NDFIP1: variants seen among roughly 807,000 people sequenced by gnomAD.
NDFIP1 encodes Nedd4 family interacting protein 1.
NDFIP1 carries 7 observed loss-of-function variants against 28.8 expected under a neutral mutation model. The observed-to-expected ratio is 0.24, with a 90% CI of 0.14 to 0.46. The LOEUF is 0.46. NDFIP1 is among the 20% of genes least tolerant of loss of function. The probability of loss-of-function intolerance (pLI) is 0.99; values close to 1 mark genes in which losing one functional copy is unlikely to be tolerated. For missense variants in NDFIP1, 194 were observed against 269.1 expected (o/e 0.72, Z 1.95); for synonymous variants, 92 against 101.0 (o/e 0.91, Z 0.53).
chr5:142,123,855 T>A (rs1434387249), intron 1 of NDFIP1, among the ~76,000 whole-genome samples: 1 of 152,216 alleles, frequency 6.6e-6, no homozygotes, highest in Middle Eastern at 3.2e-3. Flanking sequence ...CCTGGAGCTC[T>A]GAGCTAAGCC....
chr5:142,137,671 AGGCACTCTT>A (rs1757290105), intron 4 of NDFIP1, 54 bp from the exon 5 acceptor site: 1 of 1,589,172 alleles, frequency 6.3e-7, no homozygotes, highest in Non-Finnish European at 8.6e-7. Flanking sequence ...GGCAGGTGTA[AGGCACTCTT>A]GTTCTTGGGT....
intron 5 of NDFIP1, among the ~76,000 whole-genome samples, chr5:142,139,072 T>C (rs1370445694): frequency 1.3e-5 from 2 of 151,688 alleles, no homozygotes; most frequent in Non-Finnish European, 2.9e-5. Flanking sequence ...ACAAAAAAAA[T>C]AGCCAGACAT....
intron 3 of NDFIP1, 45 bp from the exon 4 acceptor site, chr5:142,135,685 A>T (rs1412840732): frequency 6.5e-7 from 1 of 1,541,896 alleles, no homozygotes; most frequent in Non-Finnish European, 8.9e-7. Flanking sequence ...ATTTTTCTTT[A>T]TGTCTTCCCT....
chr5:142,138,353 G>A (rs562125956), intron 5 of NDFIP1, among the ~76,000 whole-genome samples: 31 of 152,232 alleles, frequency 2.0e-4, no homozygotes, highest in African/African-American at 7.2e-4. Flanking sequence ...GCTCCATTAG[G>A]AGCCTACCTC....
At chr5:142,122,032 T>G (rs768817155) in intron 1 of NDFIP1, among the ~76,000 whole-genome samples, 2 of 152,232 alleles carry the variant, frequency 1.3e-5, no homozygotes, top group Non-Finnish European at 2.9e-5. Context: ...TTCTCCCATT[T>G]CTGAATTGTT....
At chr5:142,138,064 A>T in intron 5 of NDFIP1, 4 of 487,698 alleles carry the variant, frequency 8.2e-6, no homozygotes, top group South Asian at 3.5e-5. Context: ...TCTATTGAAA[A>T]CTGGTCTATC....
At chr5:142,147,399 G>A (rs754161287) in intron 7 of NDFIP1, among the ~76,000 whole-genome samples, 21 of 152,152 alleles carry the variant, frequency 1.4e-4, no homozygotes, top group East Asian at 3.9e-4. Context: ...CTAGAAAACC[G>A]TCATGTGAAG....
At position 142,151,731 on chromosome 5, in the gene NDFIP1, A is replaced by G. The variant is rs944919004; in HGVS notation, c.*3A>G. ...AATATTCAATATCCTTCTCTGGCAG[A>G]TGTTTTCTGGCAAAGGCCTTCCTGC... On this transcript the variant is annotated splice_region_variant and 3_prime_UTR_variant, in exon 8 of 8. Transcript: ENST00000253814. 4.6e-5 allele frequency: 7 copies of G among 152,732 alleles called. No individual in the cohort carries two copies. The highest frequency in any genetic ancestry group is 8.8e-5 in the Non-Finnish European group (6 of 68,054). The allele number at this position is 152,732 out of a possible 1,614,324, so 9.5% of individuals were successfully genotyped here.
chr5:142,148,846 T>A (rs1187925793), intron 7 of NDFIP1, among the ~76,000 whole-genome samples: 3 of 144,416 alleles, frequency 2.1e-5, no homozygotes. Flanking sequence ...TGGTAAAAAA[T>A]GTAAAGTGTT....
chr5:142,125,490 G>A (rs1168164734), intron 1 of NDFIP1, among the ~76,000 whole-genome samples: 2 of 152,130 alleles, frequency 1.3e-5, no homozygotes, highest in Non-Finnish European at 2.9e-5. Context: ...AGCGTCTTGA[G>A]TAGCTGGATC....
intron 7 of NDFIP1, among the ~76,000 whole-genome samples, chr5:142,148,367 A>G (rs1243098158): frequency 6.6e-6 from 1 of 152,214 alleles, no homozygotes; most frequent in Admixed American, 6.5e-5. Flanking sequence ...AAGGGAGGGA[A>G]AAATGTATTA....
At chr5:142,123,383 C>T (rs1757140144) in intron 1 of NDFIP1, among the ~76,000 whole-genome samples, 1 of 152,202 alleles carries the variant, frequency 6.6e-6, no homozygotes, top group African/African-American at 2.4e-5. Context: ...GTCCTTCCAC[C>T]TCAGCCTCCC....
chr5:142,127,254 G>A (rs1045789085), intron 1 of NDFIP1, among the ~76,000 whole-genome samples: 1 of 152,132 alleles, frequency 6.6e-6, no homozygotes, highest in African/African-American at 2.4e-5. Context: ...GACCTCAAGT[G>A]ATCCGCCCAC....
In NDFIP1 at chr5:142,151,796, A is replaced by G. The variant is rs1031045946; in HGVS notation, c.*68A>G. Reference sequence around the variant, plus strand: ...TCTCAAGAAGCAAGAGAACACCTGCAGGAAGTGAATCAAGATGCAGAACAC... The same window carrying G: ...TCTCAAGAAGCAAGAGAACACCTGCGGGAAGTGAATCAAGATGCAGAACAC... On this transcript the variant is annotated 3_prime_UTR_variant, in exon 8 of 8. Transcript: ENST00000253814. 6.5e-6 allele frequency: 1 copy of G among 152,808 alleles called. No homozygotes were observed. The highest frequency in any genetic ancestry group is 1.5e-5 in the Non-Finnish European group (1 of 68,046). The allele number at this position is 152,808 out of a possible 1,614,324, so 9.5% of individuals were successfully genotyped here.
intron 4 of NDFIP1, 68 bp downstream of exon 4, chr5:142,135,885 A>G: frequency 9.0e-7 from 1 of 1,106,562 alleles, no homozygotes. Context: ...GGTGAATCTG[A>G]CTGAATTAAA....
intron 1 of NDFIP1, among the ~76,000 whole-genome samples, chr5:142,127,352 AT>A (rs1413301828): frequency 6.6e-6 from 1 of 152,174 alleles, no homozygotes; most frequent in East Asian, 1.9e-4. Flanking sequence ...TTTTCTTAAA[AT>A]TGAAGGTCAT....
chr5:142,132,180 A>G (rs751095770), intron 2 of NDFIP1, 32 bp from the exon 3 acceptor site: 4 of 1,602,898 alleles, frequency 2.5e-6, no homozygotes, highest in Middle Eastern at 1.7e-4. Flanking sequence ...TCAGCTAATC[A>G]TCAAAAAATT....
intron 6 of NDFIP1, chr5:142,144,226 C>T (rs1307920412): frequency 6.1e-6 from 1 of 163,798 alleles, no homozygotes; most frequent in Non-Finnish European, 1.3e-5. Context: ...GTTTGGAGTT[C>T]ATTATCTTGG....
At chr5:142,138,104 G>T (rs922980734) in intron 5 of NDFIP1, 5 of 325,256 alleles carry the variant, frequency 1.5e-5, no homozygotes, top group Non-Finnish European at 2.3e-5. Context: ...TGCTTTGTTT[G>T]TTTTTAATGT....
Sources: gnomAD v4.1 joint callset for allele counts (sites outside exome capture counted in the v4.1 genomes callset) on GRCh38, gnomAD v4.1.1 for gene constraint, MANE v1.5 for transcripts, NCBI Gene and HGNC (gene_info 2026-07-23, HGNC 2026-07-21) for gene names.